GRIN2B: variants seen among roughly 807,000 people sequenced by gnomAD.
GRIN2B encodes glutamate ionotropic receptor NMDA type subunit 2B, also known as glutamate receptor ionotropic, NMDA 2B.
Under a neutral mutation model 114.5 loss-of-function variants are expected in GRIN2B, and 5 were observed. The observed-to-expected ratio is 0.04, with a 90% confidence interval of 0.02 to 0.09. GRIN2B has a LOEUF of 0.09. Among genes scored for constraint, GRIN2B ranks in the 10% least tolerant of loss-of-function variants. GRIN2B has a pLI of 1.00. For missense variants in GRIN2B, 1,108 were observed against 1,943.5 expected (o/e 0.57, Z 8.08); for synonymous variants, 787 against 745.1 (o/e 1.06, Z -0.92).
At chr12:13,668,588 G>A (rs751042782) in intron 5 of GRIN2B, among the ~76,000 whole-genome samples, 96 of 151,926 alleles carry the variant, frequency 6.3e-4, no homozygotes, top group Non-Finnish European at 1.2e-3. Context: ...TGGATGTGAG[G>A]GTCTGCACTA....
intron 3 of GRIN2B, among the ~76,000 whole-genome samples, chr12:13,769,384 C>T (rs1317676949): frequency 9.2e-5 from 14 of 152,100 alleles, no homozygotes; most frequent in East Asian, 1.9e-4. Context: ...TTTTGTCACA[C>T]GGTTCTCAAG....
intron 2 of GRIN2B, among the ~76,000 whole-genome samples, chr12:13,930,852 C>T (rs1360999480): frequency 1.3e-5 from 2 of 152,124 alleles, no homozygotes; most frequent in African/African-American, 4.8e-5. Flanking sequence ...AAAAACCCAT[C>T]TATATAATAA....
intron 5 of GRIN2B, among the ~76,000 whole-genome samples, chr12:13,660,615 G>C (rs1156377961): frequency 6.6e-6 from 1 of 152,150 alleles, no homozygotes; most frequent in East Asian, 1.9e-4. Flanking sequence ...TTGTGGAGTA[G>C]AAAAATGCTA....
chr12:13,709,983 A>G (rs1950398733), intron 4 of GRIN2B, among the ~76,000 whole-genome samples: 1 of 152,026 alleles, frequency 6.6e-6, no homozygotes, highest in African/African-American at 2.4e-5. Flanking sequence ...AAATGTTCAG[A>G]GCATTTTTAT....
At chr12:13,956,904 A>T (rs1386959927) in intron 2 of GRIN2B, among the ~76,000 whole-genome samples, 2 of 152,202 alleles carry the variant, frequency 1.3e-5, no homozygotes, top group Non-Finnish European at 2.9e-5. Flanking sequence ...ATTTCTAAGG[A>T]AAGTTCTTTT....
chr12:13,687,108 A>T (rs1397345537), intron 4 of GRIN2B, among the ~76,000 whole-genome samples: 1 of 152,072 alleles, frequency 6.6e-6, no homozygotes, highest in African/African-American at 2.4e-5. Flanking sequence ...CCAATATTGA[A>T]CTTTCCAGCC....
Position 13,687,964 on chromosome 12 carries a change from A to T in GRIN2B, c.1011-12105T>A, listed in dbSNP as rs139707793. ...TTCTGCTCTGGCTGCTCAATTTTTT[A>T]AAAAACCCAACAATGTTACCATTTA... On this transcript the variant is annotated intron_variant, in intron 4 of 13. Transcript: ENST00000609686. 3.1e-3 allele frequency among the ~76,000 whole-genome samples: 470 copies of T among 152,278 alleles called. 1 individual carries two copies. The highest frequency in any genetic ancestry group is 0.011 in the African/African-American group (447 of 41,552).
intron 4 of GRIN2B, among the ~76,000 whole-genome samples, chr12:13,680,258 C>T (rs971917581): frequency 3.3e-5 from 5 of 151,970 alleles, no homozygotes; most frequent in East Asian, 1.9e-4. Flanking sequence ...AACCTCGAAA[C>T]GTTCATGTGT....
intron 3 of GRIN2B, among the ~76,000 whole-genome samples, chr12:13,786,458 C>T (rs1274312250): frequency 1.3e-5 from 2 of 152,178 alleles, no homozygotes; most frequent in African/African-American, 2.4e-5. Context: ...AAGAGTGCCA[C>T]ATAGCTGAAC....
rs1805522 is a variant in GRIN2B at position 13,608,807 on chromosome 12, G to T, written c.1806C>A (p.Ile602=). Residue 602 remains isoleucine (I), a synonymous_variant, in exon 10 of 14, where the codon ATC becomes ATA. Coordinates refer to ENST00000609686, the MANE Select transcript of GRIN2B (RefSeq NM_000834.5). ...GREPGGPSFT[I]GKAIWLLWGL... ...CCCAGAGCAACCAAATAGCTTTGCC[G>T]ATGGTGAAAGAGGGTCCACCAGGCT... is the stretch of plus-strand genomic sequence containing the variant. The T allele has an allele frequency of 2.5e-6, 4 of 1,613,718 alleles. No individual in the cohort carries two copies. In the African/African-American group the frequency reaches 5.3e-5, roughly 22 times the overall value.
chr12:13,827,229 C>CTTTTTTTTTT (rs57007962), intron 3 of GRIN2B, among the ~76,000 whole-genome samples: 142 of 98,398 alleles, frequency 1.4e-3, no homozygotes, highest in East Asian at 2.0e-3. Context: ...TTGTTGTTTT[C>CTTTTTTTTTT]TTTTTTTTTT....
At chr12:13,672,878 C>CGT (rs1950036359) in intron 5 of GRIN2B, among the ~76,000 whole-genome samples, 1 of 152,078 alleles carries the variant, frequency 6.6e-6, no homozygotes, top group South Asian at 2.1e-4. Flanking sequence ...CAACAGCTAC[C>CGT]GTATCAAGGG....
intron 4 of GRIN2B, among the ~76,000 whole-genome samples, chr12:13,715,146 TA>T (rs1950444429): frequency 6.6e-6 from 1 of 151,860 alleles, no homozygotes; most frequent in East Asian, 1.9e-4. Context: ...TGATGTTCGC[TA>T]ACAAGATGAA....
Position 13,561,748 on chromosome 12 carries a change from C to T in GRIN2B, c.*1035G>A, listed in dbSNP as rs1948547874. 1 of 152,642 alleles carries T rather than the reference C, an allele frequency of 6.6e-6. No individual in the cohort carries two copies. Among genetic ancestry groups the T allele is most frequent in the Non-Finnish European group, 1.5e-5 (1 of 68,044 alleles). The allele number at this position is 152,642 out of a possible 1,614,324, so 9.5% of individuals were successfully genotyped here. Reference sequence around the variant, plus strand: ...CTTCCTGGAAAGTTCTTGGTTCAAACTGGTTGAAACAATTGCCAACCACTG... The same window carrying T: ...CTTCCTGGAAAGTTCTTGGTTCAAATTGGTTGAAACAATTGCCAACCACTG... On this transcript the variant is annotated 3_prime_UTR_variant, in exon 14 of 14. Transcript: ENST00000609686.
chr12:13,694,838 C>T (rs971166), intron 4 of GRIN2B, among the ~76,000 whole-genome samples: 134,505 of 151,302 alleles, frequency 0.89, 60,036 homozygotes, highest in Middle Eastern at 0.96. Context: ...ACACTACTCA[C>T]ATTACTTTTT....
intron 2 of GRIN2B, among the ~76,000 whole-genome samples, chr12:13,973,052 A>G (rs1862958469): frequency 6.6e-6 from 1 of 152,164 alleles, no homozygotes; most frequent in African/African-American, 2.4e-5. Flanking sequence ...ATTAGTTAAG[A>G]ATGTCGGCCA....
At chr12:13,723,812 T>TA (rs1052787269) in intron 4 of GRIN2B, among the ~76,000 whole-genome samples, 1 of 151,992 alleles carries the variant, frequency 6.6e-6, no homozygotes, top group Non-Finnish European at 1.5e-5. Flanking sequence ...TTTCAAGTCT[T>TA]AAAAAAATAA....
At chr12:13,634,906 G>C (rs1280616903) in intron 5 of GRIN2B, among the ~76,000 whole-genome samples, 2 of 152,188 alleles carry the variant, frequency 1.3e-5, no homozygotes, top group East Asian at 1.9e-4. Flanking sequence ...TGAAGACTGG[G>C]CAGTATAGCC....
At chr12:13,593,676 C>T (rs899922717) in intron 10 of GRIN2B, among the ~76,000 whole-genome samples, 3 of 152,066 alleles carry the variant, frequency 2.0e-5, no homozygotes, top group South Asian at 2.1e-4. Flanking sequence ...CCAAAATTGA[C>T]AAATGGGATC....
Sources: allele counts gnomAD v4.1 joint callset (sites outside exome capture counted in the v4.1 genomes callset), GRCh38; gene constraint gnomAD v4.1.1; transcripts MANE v1.5; gene names NCBI Gene and HGNC (gene_info 2026-07-23, HGNC 2026-07-21).